Variants in BST1 observed in about 807,000 individuals in gnomAD.
The protein encoded by BST1 is bone marrow stromal cell antigen 1.
Under a neutral mutation model 40.6 loss-of-function variants are expected in BST1, and 49 were observed. The ratio of observed to expected loss-of-function variants is 1.21; its 90% CI spans 0.96 to 1.53. The LOEUF (loss-of-function observed/expected upper bound fraction) is 1.53, where lower values mean the gene tolerates loss of function less well. BST1 is among the 40% of genes most tolerant of loss of function. BST1 has a pLI of 0.00. For synonymous variants in BST1, 157 were observed against 159.3 expected (o/e 0.99, Z 0.11); for missense variants, 423 against 395.9 (o/e 1.07, Z -0.58).
In BST1 at chr4:15,707,560, A is replaced by G. The variant is rs921624640; in HGVS notation, c.365A>G (p.Asn122Ser). 6.2e-7 allele frequency: 1 copy of G among 1,613,848 alleles called. No homozygotes were observed. The highest frequency in any genetic ancestry group is 1.7e-5 in the Admixed American group (1 of 59,978). ...SHLLVNSFAD[N>S]TRRFMPLSDV... ...CTCCTTGTTAACAGCTTTGCAGACA[A>G]CACCCGTCGTTTTATGCCCCTGAGC... Residue 122 changes from asparagine to serine, a missense_variant, in exon 3 of 9, where the codon AAC becomes AGC. Transcript: ENST00000265016.
intron 1 of BST1, among the ~76,000 whole-genome samples, chr4:15,703,715 GGGGTGT>G (rs1352502071): frequency 7.7e-6 from 1 of 130,682 alleles, no homozygotes; most frequent in Non-Finnish European, 1.6e-5. Context: ...TCTAGAGGTG[GGGGTGT>G]GTGTGTGTGT....
At chr4:15,725,052 G>C (rs1406448247) in intron 8 of BST1, among the ~76,000 whole-genome samples, 1 of 152,182 alleles carries the variant, frequency 6.6e-6, no homozygotes, top group Non-Finnish European at 1.5e-5. Context: ...CACTCTACCA[G>C]CCCTGAAGAG....
At chr4:15,736,257 A>G (rs1489318172), downstream of BST1, 2 of 547,944 alleles carry the variant, frequency 3.7e-6, no homozygotes, top group Non-Finnish European at 5.5e-6. Context: ...TCCTGAGTGC[A>G]TCGTCCTCTT....
the BST1 span, among the ~76,000 whole-genome samples, chr4:15,759,933 C>CT: frequency 6.6e-6 from 1 of 151,906 alleles, no homozygotes; most frequent in African/African-American, 2.4e-5. Flanking sequence ...TGTTTAACAT[C>CT]TTTTTTTGAG....
At position 15,715,724 on chromosome 4, in the gene BST1, A is replaced by G; in HGVS notation, c.629A>G (p.Glu210Gly). The change falls in exon 6 of 9, where the codon GAA becomes GGA. Residue 210 changes from glutamate (E) to glycine (G), a missense_variant. By Grantham distance (98) the Glu-to-Gly change is moderately conservative. Coordinates refer to ENST00000265016, the MANE Select transcript of BST1 (RefSeq NM_004334.3). ...TTTCTCAGTTTTTTTGCAGATTATGAAATTCCAAACCTCCAGAAGGAAAAA... is the reference window on the plus strand; with the variant it reads ...TTTCTCAGTTTTTTTGCAGATTATGGAATTCCAAACCTCCAGAAGGAAAAA... Reference protein sequence around the residue: ...YPIKGFFADYEIPNLQKEKIT... With the variant: ...YPIKGFFADYGIPNLQKEKIT... 1 of 1,599,706 alleles carries G rather than the reference A, an allele frequency of 6.3e-7. No individual in the cohort carries two copies. Among genetic ancestry groups the G allele is most frequent in the Non-Finnish European group, 8.5e-7 (1 of 1,175,046 alleles).
chr4:15,707,866 TATATATATACAC>T (rs1478934526), intron 3 of BST1, among the ~76,000 whole-genome samples: 6 of 147,892 alleles, frequency 4.1e-5, no homozygotes, highest in Non-Finnish European at 6.0e-5. Flanking sequence ...TATATATATA[TATATATATACAC>T]ATATATATAC....
At chr4:15,764,767 C>A in the BST1 span, among the ~76,000 whole-genome samples, 1 of 151,856 alleles carries the variant, frequency 6.6e-6, no homozygotes, top group East Asian at 1.9e-4. Context: ...TGACACAGAC[C>A]CAATCTAATT....
intron 2 of BST1, among the ~76,000 whole-genome samples, chr4:15,706,593 T>G (rs144059211): frequency 6.6e-5 from 10 of 152,350 alleles, no homozygotes; most frequent in Non-Finnish European, 1.2e-4. Context: ...TAGACACCAT[T>G]TTTGTTTCTG....
the BST1 span, among the ~76,000 whole-genome samples, chr4:15,755,164 A>G: frequency 6.6e-6 from 1 of 151,776 alleles, no homozygotes; most frequent in Non-Finnish European, 1.5e-5. Context: ...TTTGAGATGG[A>G]GTCTCACTCT....
intron 4 of BST1, 44 bp from the exon 5 acceptor site, chr4:15,715,241 A>T (rs778163859): frequency 6.4e-7 from 1 of 1,567,098 alleles, no homozygotes; most frequent in African/African-American, 1.4e-5. Context: ...TAGCAGAAAA[A>T]TGTCACGTCT....
At chr4:15,704,880 T>TCC (rs1560275749) in intron 1 of BST1, 1 of 646,908 alleles carries the variant, frequency 1.5e-6, no homozygotes, top group Admixed American at 2.2e-5. Flanking sequence ...GTTTGTGATG[T>TCC]CTTTCTTGTG....
chr4:15,764,370 G>A, the BST1 span, among the ~76,000 whole-genome samples: 3 of 151,950 alleles, frequency 2.0e-5, no homozygotes, highest in Non-Finnish European at 4.4e-5. Flanking sequence ...TTGCACAGTT[G>A]CTTCTTAAAT....
At chr4:15,749,531 G>C in the BST1 span, among the ~76,000 whole-genome samples, 3 of 152,066 alleles carry the variant, frequency 2.0e-5, no homozygotes. Flanking sequence ...CACCGTCCTG[G>C]TCATTTTATT....
the BST1 span, among the ~76,000 whole-genome samples, chr4:15,747,721 G>A: frequency 5.9e-5 from 9 of 152,184 alleles, no homozygotes; most frequent in African/African-American, 2.2e-4. Context: ...CCAGGCTGGA[G>A]CACAGTGGTC....
At chr4:15,761,609 C>G in the BST1 span, among the ~76,000 whole-genome samples, 1 of 151,974 alleles carries the variant, frequency 6.6e-6, no homozygotes, top group Non-Finnish European at 1.5e-5. Context: ...TAATTTTAGT[C>G]AATTCACCAT....
At chr4:15,764,826 A>G in the BST1 span, among the ~76,000 whole-genome samples, 15 of 151,890 alleles carry the variant, frequency 9.9e-5, no homozygotes, top group East Asian at 1.2e-3. Flanking sequence ...AATGGGCTCA[A>G]TGACTGCTCA....
chr4:15,744,828 G>A, the BST1 span, among the ~76,000 whole-genome samples: 1 of 152,118 alleles, frequency 6.6e-6, no homozygotes, highest in Admixed American at 6.6e-5. Context: ...TTAGAAACAA[G>A]GATAATGAAT....
downstream of BST1, among the ~76,000 whole-genome samples, chr4:15,738,777 A>G (rs1199755546): frequency 6.6e-6 from 1 of 152,238 alleles, no homozygotes; most frequent in Non-Finnish European, 1.5e-5. Context: ...GACTAGAAGC[A>G]GGCATGTGCC....
chr4:15,767,358 T>C, the BST1 span, among the ~76,000 whole-genome samples: 1 of 151,886 alleles, frequency 6.6e-6, no homozygotes, highest in Admixed American at 6.6e-5. Flanking sequence ...GGCTGGAGTG[T>C]AATGGTGTGA....
Sources: allele counts gnomAD v4.1 joint callset (sites outside exome capture counted in the v4.1 genomes callset), GRCh38; gene constraint gnomAD v4.1.1; transcripts MANE v1.5; gene names NCBI Gene and HGNC (gene_info 2026-07-23, HGNC 2026-07-21).